The following RGS7 variants were observed in gnomAD, a reference collection of about 807,000 sequenced individuals.
RGS7 encodes regulator of G-protein signaling 7.
A neutral mutation model predicts 81.1 loss-of-function variants in RGS7; 27 were observed. The observed-to-expected ratio is 0.33, with a 90% CI of 0.25 to 0.46. RGS7 has a LOEUF of 0.46. RGS7 is among the 20% of genes least tolerant of loss of function. The pLI is 1.00. For missense variants in RGS7, 396 were observed against 607.4 expected (o/e 0.65, Z 3.66); for synonymous variants, 208 against 207.7 (o/e 1.00, Z -0.01).
chr1:241,328,550 C>T (rs147758054), intron 2 of RGS7, among the ~76,000 whole-genome samples: 139 of 152,300 alleles, frequency 9.1e-4, no homozygotes, highest in African/African-American at 3.2e-3. Context: ...GCACTTTGAC[C>T]AGGTTAATTT....
At position 240,777,280 on chromosome 1, in the gene RGS7, C is replaced by T. The variant is rs530781416; in HGVS notation, c.*7-1067G>A. Among the ~76,000 whole-genome samples the T allele has an allele frequency of 3.7e-3, 539 of 145,544 alleles. 1 individual carries two copies. The highest frequency in any genetic ancestry group is 5.7e-3 in the Non-Finnish European group (386 of 67,140). On this transcript the variant is annotated intron_variant, in intron 18 of 18. Coordinates refer to ENST00000440928, the MANE Select transcript of RGS7 (RefSeq NM_001364886.1). ...CTGGGTGACAAGAGCGAGACTCTGT[C>T]TCAAAAAAAAAAATAGAAATTTGAA...
intron 6 of RGS7, among the ~76,000 whole-genome samples, chr1:240,914,102 G>C (rs1672212784): frequency 2.3e-5 from 3 of 133,330 alleles, no homozygotes; most frequent in Admixed American, 9.0e-5. Context: ...AGATATTCCT[G>C]GTAAGATGTA....
chr1:241,211,601 T>A (rs746076852), intron 2 of RGS7, among the ~76,000 whole-genome samples: 1 of 152,220 alleles, frequency 6.6e-6, no homozygotes, highest in Non-Finnish European at 1.5e-5. Flanking sequence ...AGGCTAATTT[T>A]CTAGCTGCAG....
At chr1:241,177,880 AG>A (rs56323764) in intron 2 of RGS7, among the ~76,000 whole-genome samples, 38,066 of 152,084 alleles carry the variant, frequency 0.25, 5,721 homozygotes, top group African/African-American at 0.42. Context: ...AAAAGTGGGG[AG>A]GAAAAGGAGG....
intron 3 of RGS7, among the ~76,000 whole-genome samples, chr1:241,031,711 T>G (rs2060093039): frequency 6.6e-6 from 1 of 152,212 alleles, no homozygotes; most frequent in Admixed American, 6.5e-5. Flanking sequence ...TTCATTTGCA[T>G]TTATCTGATA....
Position 241,333,171 on chromosome 1 carries a change from C to T in RGS7, c.78+22528G>A, listed in dbSNP as rs528509586. ...AGACCCAGGTGCTCCTTAAAGGCAT[C>T]GACTGCTACAATATTGTCATTTGCC... On this transcript the variant is annotated intron_variant, in intron 2 of 18. Transcript: ENST00000440928. Among the ~76,000 whole-genome samples the T allele has an allele frequency of 5.3e-5, 8 of 152,308 alleles. No homozygotes were observed. The East Asian group carries it at 9.6e-4, about 18-fold the overall frequency.
At chr1:240,887,601 C>T (rs999380896) in intron 6 of RGS7, among the ~76,000 whole-genome samples, 1 of 152,112 alleles carries the variant, frequency 6.6e-6, no homozygotes, top group South Asian at 2.1e-4. Context: ...TGACAAGTGT[C>T]TCTTCCTTGT....
In RGS7 at chr1:240,821,116, C is replaced by T. The variant is rs138727895; in HGVS notation, c.685-4701G>A. On this transcript the variant is annotated intron_variant, in intron 10 of 18. Transcript: ENST00000440928. ...GGGTCGACTCACACCTCTGGGCAAG[C>T]TTGACCACTGCCTGCCACAAGGTTT... is the stretch of plus-strand genomic sequence containing the variant. Among the ~76,000 whole-genome samples the T allele has an allele frequency of 5.0e-3, 755 of 152,226 alleles. 4 individuals are homozygous for T. The highest frequency in any genetic ancestry group is 8.0e-3 in the Non-Finnish European group (545 of 68,024).
intron 2 of RGS7, among the ~76,000 whole-genome samples, chr1:241,202,461 C>T (rs1424824303): frequency 2.0e-5 from 3 of 152,232 alleles, no homozygotes; most frequent in Non-Finnish European, 4.4e-5. Context: ...TTGCATGACA[C>T]GGGAGCCTTC....
At chr1:240,989,167 C>T (rs369188832) in intron 3 of RGS7, among the ~76,000 whole-genome samples, 34 of 151,962 alleles carry the variant, frequency 2.2e-4, no homozygotes, top group African/African-American at 7.7e-4. Context: ...AGGCCGGCCA[C>T]GGTGGCTCAC....
intron 2 of RGS7, among the ~76,000 whole-genome samples, chr1:241,281,259 A>C (rs1352966731): frequency 6.6e-6 from 1 of 152,214 alleles, no homozygotes; most frequent in Admixed American, 6.5e-5. Context: ...ATGCAGTATT[A>C]AATTATAATT....
intron 9 of RGS7, among the ~76,000 whole-genome samples, chr1:240,842,980 T>C (rs535748204): frequency 6.6e-6 from 1 of 151,850 alleles, no homozygotes; most frequent in Non-Finnish European, 1.5e-5. Context: ...CTGGCCAATA[T>C]GGTGAAACCC....
intron 3 of RGS7, among the ~76,000 whole-genome samples, chr1:241,000,314 G>A (rs968361826): frequency 6.6e-6 from 1 of 152,154 alleles, no homozygotes; most frequent in Non-Finnish European, 1.5e-5. Context: ...AAAGGCACAA[G>A]GAAACTTTTG....
At chr1:240,875,239 T>C (rs1048740399) in intron 6 of RGS7, among the ~76,000 whole-genome samples, 4 of 152,176 alleles carry the variant, frequency 2.6e-5, no homozygotes, top group African/African-American at 9.7e-5. Context: ...TTTGCTTCTA[T>C]GAGATAAACT....
chr1:241,197,735 T>C (rs1014372496), intron 2 of RGS7, among the ~76,000 whole-genome samples: 16 of 150,210 alleles, frequency 1.1e-4, no homozygotes, highest in African/African-American at 3.7e-4. Context: ...AAAGGAGATA[T>C]ATAAAAATTC....
chr1:241,284,260 C>T (rs1463713361), intron 2 of RGS7, among the ~76,000 whole-genome samples: 1 of 152,044 alleles, frequency 6.6e-6, no homozygotes, highest in African/African-American at 2.4e-5. Flanking sequence ...TTATTTGAAC[C>T]TTATGTATTA....
At chr1:241,290,872 A>G (rs1012387249) in intron 2 of RGS7, among the ~76,000 whole-genome samples, 1 of 152,190 alleles carries the variant, frequency 6.6e-6, no homozygotes, top group East Asian at 1.9e-4. Context: ...TACGAACTCT[A>G]CTTTTTAATA....
In RGS7 at chr1:241,161,515, CTAA is replaced by C. The variant is rs542463717; in HGVS notation, c.79-62756_79-62754del. On this transcript the variant is annotated intron_variant, in intron 2 of 18. Transcript: ENST00000440928. Reference sequence around the variant, plus strand: ...ATAATTATATTATTATAACTAATAACTAATAATAACTAATATAACGAATTATAT... The same window carrying C: ...ATAATTATATTATTATAACTAATAACTAATAACTAATATAACGAATTATAT... Among the ~76,000 whole-genome samples the C allele has an allele frequency of 3.4e-3, 497 of 147,766 alleles. 4 individuals are homozygous for C. Among genetic ancestry groups the C allele is most frequent in the African/African-American group, 9.7e-3 (395 of 40,548 alleles).
Position 240,934,314 on chromosome 1 carries a change from C to T in RGS7, c.333+2286G>A, listed in dbSNP as rs371372480. 3.2e-4 allele frequency among the ~76,000 whole-genome samples: 48 copies of T among 152,276 alleles called. 1 individual carries two copies. The highest frequency in any genetic ancestry group is 1.9e-3 in the East Asian group (10 of 5,180). Reference sequence around the variant, plus strand: ...TCATTCACTGGAGGATTTGTAAACACGGCATCCCAACTTTTCTACTTTAAT... The same window carrying T: ...TCATTCACTGGAGGATTTGTAAACATGGCATCCCAACTTTTCTACTTTAAT... On this transcript the variant is annotated intron_variant, in intron 5 of 18. Coordinates refer to ENST00000440928, the MANE Select transcript of RGS7 (RefSeq NM_001364886.1).
Sources: allele counts gnomAD v4.1 joint callset (sites outside exome capture counted in the v4.1 genomes callset), GRCh38; gene constraint gnomAD v4.1.1; transcripts MANE v1.5; gene names NCBI Gene and HGNC (gene_info 2026-07-23, HGNC 2026-07-21).